Variants in PRKACB observed in about 807,000 individuals in gnomAD.
PRKACB encodes cAMP-dependent protein kinase catalytic subunit beta.
A neutral mutation model predicts 51.4 loss-of-function variants in PRKACB; 16 were observed. The ratio of observed to expected loss-of-function variants is 0.31; its 90% CI spans 0.21 to 0.47. The LOEUF (loss-of-function observed/expected upper bound fraction) is 0.47, where lower values mean the gene tolerates loss of function less well. PRKACB is among the 20% of genes least tolerant of loss of function. The probability of loss-of-function intolerance (pLI) is 1.00; values close to 1 mark genes in which losing one functional copy is unlikely to be tolerated. For missense variants in PRKACB, 309 were observed against 464.5 expected (o/e 0.67, Z 3.08); for synonymous variants, 147 against 154.4 (o/e 0.95, Z 0.35).
chr1:84,231,138 T>C (rs1675578672), intron 9 of PRKACB, among the ~76,000 whole-genome samples: 1 of 151,924 alleles, frequency 6.6e-6, no homozygotes, highest in African/African-American at 2.4e-5. Flanking sequence ...TTTTAGCGTG[T>C]TGAATTTTGT....
intron 1 of PRKACB, among the ~76,000 whole-genome samples, chr1:84,115,172 T>G (rs1197165633): frequency 2.0e-5 from 3 of 152,154 alleles, no homozygotes; most frequent in Non-Finnish European, 4.4e-5. Context: ...AGAATTCCCT[T>G]TTCTCCACAT....
At chr1:84,114,923 T>C (rs1479348507) in intron 1 of PRKACB, among the ~76,000 whole-genome samples, 1 of 152,248 alleles carries the variant, frequency 6.6e-6, no homozygotes, top group Non-Finnish European at 1.5e-5. Flanking sequence ...ACATATTCTT[T>C]ATCCATTTAT....
At chr1:84,181,388 A>G (rs543792651) in intron 2 of PRKACB, among the ~76,000 whole-genome samples, 148 of 152,152 alleles carry the variant, frequency 9.7e-4, no homozygotes, top group African/African-American at 3.5e-3. Context: ...TTAACACATA[A>G]TTTGTCCCTA....
At chr1:84,189,114 G>A (rs1249805046) in intron 5 of PRKACB, among the ~76,000 whole-genome samples, 25 of 151,762 alleles carry the variant, frequency 1.6e-4, no homozygotes, top group Non-Finnish European at 2.9e-5. Flanking sequence ...TCTGCAGTAT[G>A]CTCATTATTT....
chr1:84,155,247 A>G (rs1655343911), intron 1 of PRKACB, among the ~76,000 whole-genome samples: 1 of 152,172 alleles, frequency 6.6e-6, no homozygotes, highest in Non-Finnish European at 1.5e-5. Context: ...TGAACTATGG[A>G]AAAAAGAAAT....
At chr1:84,235,086 G>T in intron 9 of PRKACB, 94 bp from the exon 10 acceptor site, 1 of 1,346,820 alleles carries the variant, frequency 7.4e-7, no homozygotes, top group African/African-American at 1.5e-5. Flanking sequence ...ATTTCACCGT[G>T]TAATAACAGT....
intron 1 of PRKACB, among the ~76,000 whole-genome samples, chr1:84,124,446 A>G (rs1016379): frequency 0.18 from 27,962 of 152,162 alleles, 2,835 homozygotes; most frequent in South Asian, 0.25. Context: ...ACATTATCTG[A>G]AGAGTGAGGT....
chr1:84,166,032 A>G (rs973215865), intron 1 of PRKACB, among the ~76,000 whole-genome samples: 2 of 151,704 alleles, frequency 1.3e-5, no homozygotes, highest in Non-Finnish European at 3.0e-5. Context: ...AGATCACCTC[A>G]TTATAACCAA....
At chr1:84,114,719 C>A (rs1650496251) in intron 1 of PRKACB, among the ~76,000 whole-genome samples, 1 of 152,140 alleles carries the variant, frequency 6.6e-6, no homozygotes, top group Non-Finnish European at 1.5e-5. Context: ...TCTCTGCTAT[C>A]TATCTTTCCA....
At chr1:84,229,082 T>G (rs1232414632) in intron 9 of PRKACB, among the ~76,000 whole-genome samples, 6 of 96,458 alleles carry the variant, frequency 6.2e-5, no homozygotes, top group South Asian at 8.3e-4. Context: ...CCCTCCCCCC[T>G]CCCCCCACCC....
chr1:84,225,591 G>A (rs908118189), intron 9 of PRKACB, among the ~76,000 whole-genome samples: 9 of 152,136 alleles, frequency 5.9e-5, no homozygotes, highest in Non-Finnish European at 1.3e-4. Context: ...TCTCAAAATG[G>A]CACTGTGCTT....
chr1:84,231,900 T>C (rs1374961498), intron 9 of PRKACB, among the ~76,000 whole-genome samples: 1 of 151,290 alleles, frequency 6.6e-6, no homozygotes, highest in Non-Finnish European at 1.5e-5. Context: ...TTTTGAAGGG[T>C]TTTTTGTGTC....
intron 5 of PRKACB, among the ~76,000 whole-genome samples, chr1:84,186,358 AGAGGTGTCC>A (rs1236557641): frequency 3.3e-5 from 5 of 152,016 alleles, no homozygotes; most frequent in Non-Finnish European, 7.4e-5. Context: ...AGCTGGGACT[AGAGGTGTCC>A]GCCACCACAT....
intron 1 of PRKACB, among the ~76,000 whole-genome samples, chr1:84,155,601 C>G (rs1312109157): frequency 6.6e-6 from 1 of 152,118 alleles, no homozygotes; most frequent in African/African-American, 2.4e-5. Context: ...AAAAATTGGT[C>G]AGTGAGTAAT....
chr1:84,103,176 T>C (rs1649481674), intron 1 of PRKACB, among the ~76,000 whole-genome samples: 3 of 152,194 alleles, frequency 2.0e-5, no homozygotes, highest in Non-Finnish European at 4.4e-5. Context: ...AAAGTGAAGA[T>C]GGCTACAAAT....
At chr1:84,156,717 A>G (rs772376470) in intron 1 of PRKACB, among the ~76,000 whole-genome samples, 1 of 152,186 alleles carries the variant, frequency 6.6e-6, no homozygotes, top group Non-Finnish European at 1.5e-5. Flanking sequence ...TTATATCATT[A>G]TATAAAAATA....
chr1:84,180,185 T>G lies in PRKACB; in HGVS notation c.249+947T>G, dbSNP rs1400217900. Among the ~76,000 whole-genome samples the G allele has an allele frequency of 1.7e-4, 16 of 94,634 alleles. No individual in the cohort carries two copies. The South Asian group carries it at 5.8e-3, about 34-fold the overall frequency. The allele number at this position is 94,634 out of a possible 152,430, so 62.1% of individuals were successfully genotyped here. On this transcript the variant is annotated intron_variant, in intron 2 of 9. Coordinates refer to ENST00000370685, the MANE Select transcript of PRKACB (RefSeq NM_182948.4). ...CAACGAATGGATAAAGAAACTGTGA[T>G]ATATATATATATATATATATATATG...
intron 9 of PRKACB, among the ~76,000 whole-genome samples, chr1:84,234,494 C>T (rs1250355228): frequency 3.9e-5 from 6 of 151,990 alleles, no homozygotes; most frequent in African/African-American, 1.2e-4. Context: ...TGGGCAATGG[C>T]GGGCGCCCCT....
At chr1:84,141,671 T>C (rs1558009302), upstream of PRKACB, among the ~76,000 whole-genome samples, 2 of 152,182 alleles carry the variant, frequency 1.3e-5, no homozygotes, top group South Asian at 4.1e-4. Context: ...CTTAGTGTTC[T>C]AGTTAGGAAT....
Sources: gnomAD v4.1 joint callset for allele counts (sites outside exome capture counted in the v4.1 genomes callset) on GRCh38, gnomAD v4.1.1 for gene constraint, MANE v1.5 for transcripts, NCBI Gene and HGNC (gene_info 2026-07-23, HGNC 2026-07-21) for gene names.